The following SYNE1 variants were observed in gnomAD, a reference collection of about 807,000 sequenced individuals.
SYNE1 encodes the protein spectrin repeat containing nuclear envelope protein 1.
SYNE1 carries 616 observed loss-of-function variants against 1,111.0 expected under a neutral mutation model. That is an observed-to-expected ratio of 0.55 (90% confidence interval 0.52 to 0.59). The LOEUF is 0.59. Ranked by LOEUF, SYNE1 falls within the 20% of genes least tolerant of loss-of-function variation. The pLI, the probability that SYNE1 is intolerant of heterozygous loss-of-function variation, is 0.00. For synonymous variants in SYNE1, 3,855 were observed against 3,825.8 expected, an observed-to-expected ratio of 1.01 and a Z score of -0.28; for missense variants, 10,006 against 10,417.0, an observed-to-expected ratio of 0.96 and a Z score of 1.72.
At position 152,330,244 on chromosome 6, in the gene SYNE1, T is replaced by C; in HGVS notation, c.14441A>G (p.Lys4814Arg). 1.9e-6 allele frequency: 3 copies of C among 1,614,212 alleles called. No homozygotes were observed. The highest frequency in any genetic ancestry group is 2.5e-6 in the Non-Finnish European group (3 of 1,180,042). The change falls in exon 78 of 146, where the codon AAG becomes AGG. Residue 4814 changes from lysine (K) to arginine (R), a missense_variant. By Grantham distance (26) the Lys-to-Arg change is conservative (BLOSUM62 2). Coordinates refer to ENST00000367255, the MANE Select transcript of SYNE1 (RefSeq NM_182961.4). The stretch of plus-strand genomic sequence containing the variant: ...TGCCAGGGAGTGATACATTTTGAGC[T>C]TCTCCTCTGCAGGCAGCGTTTCCTC... ...VNEETLPAEE[K>R]LKMYHSLAGS...
intron 6 of SYNE1, among the ~76,000 whole-genome samples, chr6:152,518,475 T>A (rs1261663902): frequency 6.6e-6 from 1 of 151,888 alleles, no homozygotes; most frequent in Non-Finnish European, 1.5e-5. Flanking sequence ...CCATGTGACG[T>A]CCCTGCTCCC....
chr6:152,382,564 C>G (rs1272508263), intron 55 of SYNE1, among the ~76,000 whole-genome samples: 1 of 152,070 alleles, frequency 6.6e-6, no homozygotes, highest in Non-Finnish European at 1.5e-5. Context: ...CATGAAAACC[C>G]TTACACACAG....
chr6:152,529,377 T>C (rs1430531461), intron 4 of SYNE1, among the ~76,000 whole-genome samples: 1 of 152,204 alleles, frequency 6.6e-6, no homozygotes, highest in Non-Finnish European at 1.5e-5. Context: ...TGGCCTGAGC[T>C]GGGCCCATCA....
chr6:152,513,980 T>C (rs1171256812), intron 6 of SYNE1, among the ~76,000 whole-genome samples: 2 of 152,106 alleles, frequency 1.3e-5, no homozygotes. Flanking sequence ...AGGAAACAAC[T>C]GATGCTGGAG....
At chr6:152,174,649 G>A (rs2065946248) in intron 130 of SYNE1, among the ~76,000 whole-genome samples, 1 of 152,178 alleles carries the variant, frequency 6.6e-6, no homozygotes, top group Non-Finnish European at 1.5e-5. Flanking sequence ...AACTTGAGAG[G>A]CAGGAGGGCA....
chr6:152,636,426 A>G (rs1039882796), intron 2 of SYNE1, among the ~76,000 whole-genome samples: 1 of 152,130 alleles, frequency 6.6e-6, no homozygotes, highest in Non-Finnish European at 1.5e-5. Context: ...ACGAGATGCA[A>G]AGAGGCTCCC....
rs2096063100 is a variant in SYNE1, at chr6:152,326,183, T to TG, written c.15294-82dup. 4.3e-6 allele frequency: 7 copies of TG among 1,612,836 alleles called. No individual in the cohort carries two copies. In the Admixed American group the frequency reaches 8.3e-5, roughly 19 times the overall value. On this transcript the variant is annotated intron_variant, in intron 79 of 145. Coordinates refer to ENST00000367255, the MANE Select transcript of SYNE1 (RefSeq NM_182961.4). ...GAAGCTCTGGTGTCAGTATGTCTAA[T>TG]GATACTCAGGGAAAAATGAATTTAC... is the stretch of plus-strand genomic sequence containing the variant.
At chr6:152,386,567 G>C (rs896908934) in intron 54 of SYNE1, among the ~76,000 whole-genome samples, 5 of 152,082 alleles carry the variant, frequency 3.3e-5, no homozygotes, top group Non-Finnish European at 7.4e-5. Context: ...AATCATGAAG[G>C]AAATGAAAGA....
intron 22 of SYNE1, among the ~76,000 whole-genome samples, chr6:152,458,366 G>A (rs146903124): frequency 3.3e-5 from 5 of 152,264 alleles, no homozygotes; most frequent in East Asian, 1.9e-4. Context: ...CATGGCTTAC[G>A]CGTGCACACA....
chr6:152,399,586 C>A (rs895835652), intron 48 of SYNE1, 30 bp downstream of exon 48: 79 of 1,612,344 alleles, frequency 4.9e-5, no homozygotes, highest in Non-Finnish European at 6.4e-5. Context: ...CGGAAACAAA[C>A]TACTCATGCT....
rs755308025 is a variant in SYNE1 at position 152,323,464 on chromosome 6, A to T, written c.15917+14T>A. ...AACAAACAAACAAAAGAATGAAAGT[A>T]GGTGCTTAATTACTTCAGGCACCGA... On this transcript the variant is annotated intron_variant, in intron 82 of 145. Transcript: ENST00000367255. 4 of 1,611,496 alleles carry T rather than the reference A, an allele frequency of 2.5e-6. No homozygotes were observed. The highest frequency in any genetic ancestry group is 2.5e-6 in the Non-Finnish European group (3 of 1,180,008).
At chr6:152,270,589 C>G (rs557189680) in intron 98 of SYNE1, among the ~76,000 whole-genome samples, 1 of 152,214 alleles carries the variant, frequency 6.6e-6, no homozygotes, top group Non-Finnish European at 1.5e-5. Context: ...GAGAGCTTTT[C>G]TACTCACATA....
chr6:152,219,090 T>C lies in SYNE1; in HGVS notation c.21957A>G (p.Ala7319=). 1.2e-6 allele frequency: 2 copies of C among 1,614,188 alleles called. No homozygotes were observed. The highest frequency in any genetic ancestry group is 4.5e-5 in the East Asian group (2 of 44,874). The change falls in exon 120 of 146, where the codon GCA becomes GCG. Residue 7319 remains alanine (A), a synonymous_variant. Transcript: ENST00000367255. ...QLKQQVDASA[A]SAIQSDQLSL... is the part of the protein sequence containing the mutation. ...AGAGTTGATCCGATTGAATAGCTGATGCTGCGGAAGCATCCACTTGTTGCT... is the reference window on the plus strand; with the variant it reads ...AGAGTTGATCCGATTGAATAGCTGACGCTGCGGAAGCATCCACTTGTTGCT...
At chr6:152,390,066 T>C (rs1374634467) in intron 53 of SYNE1, among the ~76,000 whole-genome samples, 1 of 152,124 alleles carries the variant, frequency 6.6e-6, no homozygotes, top group Admixed American at 6.5e-5. Context: ...GATTTAAATA[T>C]TTAAAAAATG....
chr6:152,459,065 T>C, intron 21 of SYNE1, 135 bp from the exon 22 acceptor site: 1 of 813,934 alleles, frequency 1.2e-6, no homozygotes, highest in Non-Finnish European at 2.0e-6. Flanking sequence ...AAGACATTTC[T>C]TTAATGATAT....
At chr6:152,412,851 ATT>A (rs373723820) in intron 42 of SYNE1, among the ~76,000 whole-genome samples, 17 of 131,610 alleles carry the variant, frequency 1.3e-4, no homozygotes, top group Non-Finnish European at 1.4e-4. Flanking sequence ...TTCACATGTA[ATT>A]TTTTTTTTTT....
intron 39 of SYNE1, among the ~76,000 whole-genome samples, chr6:152,422,347 G>C (rs1020176478): frequency 2.6e-5 from 4 of 152,166 alleles, no homozygotes; most frequent in African/African-American, 9.7e-5. Context: ...GCCACTTTCT[G>C]GAATGGGACA....
intron 73 of SYNE1, among the ~76,000 whole-genome samples, chr6:152,345,022 T>C (rs542230562): frequency 1.3e-5 from 2 of 152,330 alleles, no homozygotes; most frequent in South Asian, 4.1e-4. Context: ...TCTGCTTTTC[T>C]CTGTCATCTT....
Position 152,284,156 on chromosome 6 carries a change from A to G in SYNE1, c.18029T>C (p.Ile6010Thr). 6.2e-7 allele frequency: 1 copy of G among 1,614,160 alleles called. No homozygotes were observed. The highest frequency in any genetic ancestry group is 8.5e-7 in the Non-Finnish European group (1 of 1,180,028). Residue 6010 changes from isoleucine to threonine, a missense_variant, in exon 96 of 146, where the codon ATT becomes ACT. Around this residue, in one of 7 missense-constraint regions of SYNE1, gnomAD observed 4,955 missense variants for 5,017.2 expected, o/e 0.99. Transcript: ENST00000367255. ...ATTGATTTCATCCTGGAGCATGAGA[A>G]TCTCATCCATCAATGCCTGGAGGAA... is the stretch of plus-strand genomic sequence containing the variant. Reference protein sequence around the residue: ...MAEHQALMDEILMLQDEINEL... With the variant: ...MAEHQALMDETLMLQDEINEL...
Sources: gnomAD v4.1 joint callset for allele counts (sites outside exome capture counted in the v4.1 genomes callset) on GRCh38, gnomAD v4.1.1 for gene constraint, gnomAD v4.1.1 regional missense constraint, MANE v1.5 for transcripts, NCBI Gene and HGNC (gene_info 2026-07-23, HGNC 2026-07-21) for gene names.